The following SLC9A9 variants were observed in gnomAD, a reference collection of about 807,000 sequenced individuals.
SLC9A9 encodes solute carrier family 9 member A9.
In SLC9A9, 62 loss-of-function variants were observed where a neutral mutation model predicts 77.8. The ratio of observed to expected loss-of-function variants is 0.80; its 90% CI spans 0.65 to 0.98. The LOEUF (loss-of-function observed/expected upper bound fraction) is 0.98. SLC9A9 is among the 50% of genes least tolerant of loss of function. The pLI is 0.00. For synonymous variants in SLC9A9, 320 were observed against 283.5 expected, an observed-to-expected ratio of 1.13 and a Z score of -1.29; for missense variants, 775 against 774.9, an observed-to-expected ratio of 1.00 and a Z score of 0.00.
intron 14 of SLC9A9, among the ~76,000 whole-genome samples, chr3:143,343,982 A>G (rs545903866): frequency 2.6e-5 from 4 of 152,310 alleles, no homozygotes; most frequent in South Asian, 4.1e-4. Context: ...TTGGGCTGGC[A>G]ATTATTTAAA....
At chr3:143,439,278 G>A (rs2034681341) in intron 12 of SLC9A9, among the ~76,000 whole-genome samples, 1 of 152,170 alleles carries the variant, frequency 6.6e-6, no homozygotes, top group Non-Finnish European at 1.5e-5. Flanking sequence ...GAAATAACTT[G>A]CCTGAAGTCA....
chr3:143,796,033 A>G (rs1196478250), intron 3 of SLC9A9, among the ~76,000 whole-genome samples: 4 of 152,150 alleles, frequency 2.6e-5, no homozygotes, highest in Non-Finnish European at 4.4e-5. Context: ...AGCCCCAGGA[A>G]TCTCCTAGAG....
chr3:143,589,270 T>C (rs985063936), intron 6 of SLC9A9, among the ~76,000 whole-genome samples: 8 of 152,208 alleles, frequency 5.3e-5, no homozygotes, highest in African/African-American at 1.9e-4. Context: ...ATTTCCATTA[T>C]AGATAAGGAA....
At chr3:143,807,913 C>T (rs746112800) in intron 2 of SLC9A9, among the ~76,000 whole-genome samples, 3 of 152,060 alleles carry the variant, frequency 2.0e-5, no homozygotes, top group African/African-American at 7.2e-5. Flanking sequence ...GAGAAGGTGC[C>T]GGTAGAGGGC....
chr3:143,647,632 T>C (rs570953876), intron 6 of SLC9A9, among the ~76,000 whole-genome samples: 13 of 152,350 alleles, frequency 8.5e-5, no homozygotes, highest in Non-Finnish European at 1.6e-4. Flanking sequence ...TGTTATTCTA[T>C]GACTCCTAAG....
chr3:143,400,720 CAAAAAA>C (rs36147058), intron 12 of SLC9A9, among the ~76,000 whole-genome samples: 14 of 137,424 alleles, frequency 1.0e-4, no homozygotes, highest in Non-Finnish European at 1.7e-4. Flanking sequence ...TGAATTTATG[CAAAAAA>C]AAAAAAAAAA....
intron 13 of SLC9A9, among the ~76,000 whole-genome samples, chr3:143,371,010 C>G (rs10935490): frequency 0.62 from 93,602 of 151,404 alleles, 29,158 homozygotes; most frequent in African/African-American, 0.64. Flanking sequence ...TGAAGAGCTA[C>G]AGATGGGAGT....
intron 5 of SLC9A9, among the ~76,000 whole-genome samples, chr3:143,666,520 A>G (rs1007201157): frequency 2.0e-5 from 3 of 152,216 alleles, no homozygotes; most frequent in African/African-American, 7.2e-5. Context: ...AAGGGTATTC[A>G]ATTAGGAAAA....
chr3:143,411,031 T>A (rs1559904027), intron 12 of SLC9A9, among the ~76,000 whole-genome samples: 1 of 152,224 alleles, frequency 6.6e-6, no homozygotes, highest in Non-Finnish European at 1.5e-5. Flanking sequence ...CTTTTGTCCT[T>A]CCAGCTGAAT....
intron 12 of SLC9A9, among the ~76,000 whole-genome samples, chr3:143,396,159 T>C (rs1005530468): frequency 1.3e-5 from 2 of 152,214 alleles, no homozygotes; most frequent in African/African-American, 2.4e-5. Context: ...CGTATGTTTA[T>C]TGCAGCACTA....
intron 9 of SLC9A9, among the ~76,000 whole-genome samples, chr3:143,534,388 C>T (rs1364212140): frequency 3.9e-5 from 6 of 152,258 alleles, no homozygotes; most frequent in East Asian, 3.9e-4. Context: ...ATATTTTATA[C>T]TGGTTTCCTC....
chr3:143,384,903 A>T (rs1482932172), intron 12 of SLC9A9, among the ~76,000 whole-genome samples: 1 of 152,252 alleles, frequency 6.6e-6, no homozygotes, highest in Admixed American at 6.5e-5. Flanking sequence ...CTTAAGGGCC[A>T]TGAAGGAAAC....
At chr3:143,358,485 CTTTTT>C (rs1399478261) in intron 14 of SLC9A9, among the ~76,000 whole-genome samples, 1 of 152,144 alleles carries the variant, frequency 6.6e-6, no homozygotes, top group East Asian at 1.9e-4. Context: ...TTAGGCTGCC[CTTTTT>C]ATTTTGGAAA....
intron 4 of SLC9A9, among the ~76,000 whole-genome samples, chr3:143,716,572 A>G (rs551608101): frequency 1.3e-5 from 2 of 152,292 alleles, no homozygotes; most frequent in African/African-American, 4.8e-5. Context: ...TCCTTTCAGG[A>G]GGTTGTGAGA....
rs115966881 is a variant in SLC9A9, at chr3:143,848,176, C to T, written c.147G>A (p.Leu49=). Reference sequence around the variant, plus strand: ...ACACCATTGCTCCTCCAGTTTCATGCAAGAAGCGGAATCGATGATTTTTAA... The same window carrying T: ...ACACCATTGCTCCTCCAGTTTCATGTAAGAAGCGGAATCGATGATTTTTAA... ...WLFKNHRFRF[L]HETGGAMVYG... The change falls in exon 1 of 16, where the codon TTG becomes TTA. Residue 49 remains leucine (L), a synonymous_variant. Transcript: ENST00000316549. The T allele has an allele frequency of 8.5e-4, 1,373 of 1,614,004 alleles. 7 individuals carry two copies. In the African/African-American group the frequency reaches 0.016, roughly 19 times the overall value.
At chr3:143,336,652 C>G (rs2031932521) in intron 14 of SLC9A9, among the ~76,000 whole-genome samples, 1 of 152,078 alleles carries the variant, frequency 6.6e-6, no homozygotes. Context: ...CTCAAAAAGA[C>G]AAATACTGCA....
intron 14 of SLC9A9, among the ~76,000 whole-genome samples, chr3:143,357,173 G>A (rs2032616111): frequency 6.8e-6 from 1 of 147,220 alleles, no homozygotes; most frequent in African/African-American, 2.5e-5. Flanking sequence ...GAAACTACTT[G>A]TGGAGTTATC....
chr3:143,607,504 C>T (rs1390789707), intron 6 of SLC9A9, among the ~76,000 whole-genome samples: 1 of 152,054 alleles, frequency 6.6e-6, no homozygotes, highest in African/African-American at 2.4e-5. Context: ...GGATGAAAAT[C>T]ATTAAAGCAT....
intron 12 of SLC9A9, among the ~76,000 whole-genome samples, chr3:143,443,213 T>C (rs1221647866): frequency 6.6e-6 from 1 of 152,128 alleles, no homozygotes; most frequent in Non-Finnish European, 1.5e-5. Flanking sequence ...CAAAATTACA[T>C]TGAGAGGCAA....
Sources: allele counts gnomAD v4.1 joint callset (sites outside exome capture counted in the v4.1 genomes callset), GRCh38; gene constraint gnomAD v4.1.1; transcripts MANE v1.5; gene names NCBI Gene and HGNC (gene_info 2026-07-23, HGNC 2026-07-21).